The following ROR2 variants were observed in gnomAD, a reference collection of about 807,000 sequenced individuals.
ROR2 encodes tyrosine-protein kinase transmembrane receptor ROR2.
A neutral mutation model predicts 74.9 loss-of-function variants in ROR2; 33 were observed. The ratio of observed to expected loss-of-function variants is 0.44; its 90% CI spans 0.33 to 0.59. The LOEUF (loss-of-function observed/expected upper bound fraction) is 0.59. ROR2 is among the 20% of genes least tolerant of loss of function. ROR2 has a pLI of 0.02. For missense variants in ROR2, 1,216 were observed against 1,313.8 expected (o/e 0.93, Z 1.15); for synonymous variants, 586 against 558.7 (o/e 1.05, Z -0.69).
At position 91,880,490 on chromosome 9, in the gene ROR2, A is replaced by G. The variant is rs370857308; in HGVS notation, c.97+69377T>C. On this transcript the variant is annotated intron_variant, in intron 1 of 8. Coordinates refer to ENST00000375708, the MANE Select transcript of ROR2 (RefSeq NM_004560.4). ...GTAGTGCTGTGAGCACACTAATACAAGTAAATCCATGAATATAGTGAGAGC... is the reference window on the plus strand; with the variant it reads ...GTAGTGCTGTGAGCACACTAATACAGGTAAATCCATGAATATAGTGAGAGC... Among the ~76,000 whole-genome samples the G allele has an allele frequency of 4.6e-5, 7 of 152,340 alleles. No individual in the cohort carries two copies. In the East Asian group the frequency reaches 9.6e-4, roughly 21 times the overall value.
chr9:91,747,853 A>C (rs930833517), intron 4 of ROR2, among the ~76,000 whole-genome samples: 1 of 152,188 alleles, frequency 6.6e-6, no homozygotes, highest in Non-Finnish European at 1.5e-5. Context: ...TACACACTAC[A>C]AAGTCAAAGG....
intron 1 of ROR2, among the ~76,000 whole-genome samples, chr9:91,922,291 G>A (rs1462217341): frequency 6.6e-6 from 1 of 151,872 alleles, no homozygotes; most frequent in Non-Finnish European, 1.5e-5. Flanking sequence ...AAATTCTACT[G>A]CTAGGTATGT....
At chr9:91,725,875 G>A (rs778708176) in intron 8 of ROR2, among the ~76,000 whole-genome samples, 9 of 152,226 alleles carry the variant, frequency 5.9e-5, no homozygotes, top group Non-Finnish European at 8.8e-5. Flanking sequence ...AACTCTCACC[G>A]ACTCTGGGAC....
intron 1 of ROR2, among the ~76,000 whole-genome samples, chr9:91,924,665 C>A (rs1485480501): frequency 6.6e-6 from 1 of 152,008 alleles, no homozygotes; most frequent in African/African-American, 2.4e-5. Context: ...TGGTAGCGGG[C>A]GCCTGTAGTC....
At chr9:91,946,121 A>G (rs7048699) in intron 1 of ROR2, among the ~76,000 whole-genome samples, 79,360 of 152,024 alleles carry the variant, frequency 0.52, 23,302 homozygotes, top group African/African-American at 0.8. Flanking sequence ...AGTCCCTTCA[A>G]CCCAACAGTC....
intron 1 of ROR2, among the ~76,000 whole-genome samples, chr9:91,899,446 C>CG (rs1830617065): frequency 2.0e-5 from 3 of 152,160 alleles, no homozygotes; most frequent in Non-Finnish European, 4.4e-5. Flanking sequence ...CTGTGTCCCT[C>CG]CTGTGTGCTG....
At chr9:91,803,870 T>C (rs932228376) in intron 1 of ROR2, among the ~76,000 whole-genome samples, 3 of 152,250 alleles carry the variant, frequency 2.0e-5, no homozygotes, top group Non-Finnish European at 4.4e-5. Flanking sequence ...TCCTGCTTCA[T>C]GGTAGACCTT....
chr9:91,770,434 G>T (rs953738753), intron 2 of ROR2, among the ~76,000 whole-genome samples: 1 of 152,166 alleles, frequency 6.6e-6, no homozygotes, highest in Non-Finnish European at 1.5e-5. Flanking sequence ...CTCACATTCT[G>T]GTCTGGGCAC....
At chr9:91,726,442 A>T in intron 8 of ROR2, 99 bp downstream of exon 8, 1 of 1,115,460 alleles carries the variant, frequency 9.0e-7, no homozygotes, top group South Asian at 1.2e-5. Context: ...ATTATGTGCT[A>T]TGTATCAAGT....
intron 1 of ROR2, among the ~76,000 whole-genome samples, chr9:91,908,141 G>A (rs1198679894): frequency 6.6e-6 from 1 of 152,228 alleles, no homozygotes; most frequent in African/African-American, 2.4e-5. Context: ...TTATCAATGG[G>A]GGGAGGGAGG....
intron 7 of ROR2, among the ~76,000 whole-genome samples, chr9:91,728,711 G>A (rs113284213): frequency 0.026 from 3,999 of 152,312 alleles, 87 homozygotes; most frequent in Non-Finnish European, 0.041. Flanking sequence ...GATTACAGGC[G>A]TGAGCCACCA....
chr9:91,851,081 G>A (rs913777890), intron 1 of ROR2, among the ~76,000 whole-genome samples: 4 of 152,180 alleles, frequency 2.6e-5, no homozygotes, highest in South Asian at 2.1e-4. Context: ...GGCCGGGCGC[G>A]GTGGCTCATG....
chr9:91,911,993 C>G (rs985883468), intron 1 of ROR2, among the ~76,000 whole-genome samples: 1 of 143,860 alleles, frequency 7.0e-6, no homozygotes, highest in South Asian at 2.2e-4. Context: ...CAAAATTTAT[C>G]GGAGGTACTC....
Position 91,730,844 on chromosome 9 carries a change from G to A in ROR2, c.1183+66C>T. 3 of 1,606,856 alleles carry A rather than the reference G, an allele frequency of 1.9e-6. No homozygotes were observed. The South Asian group carries it at 3.3e-5, about 18-fold the overall frequency. ...GCACACCCCAACCCAGGTCAGGACAGAACGCCCTCATCACAAGGTTCACTC... is the reference window on the plus strand; with the variant it reads ...GCACACCCCAACCCAGGTCAGGACAAAACGCCCTCATCACAAGGTTCACTC... On this transcript the variant is annotated intron_variant, in intron 7 of 8. Coordinates refer to ENST00000375708, the MANE Select transcript of ROR2 (RefSeq NM_004560.4).
At chr9:91,754,696 AAGAG>A (rs1376970468) in intron 4 of ROR2, among the ~76,000 whole-genome samples, 2 of 152,158 alleles carry the variant, frequency 1.3e-5, no homozygotes, top group Non-Finnish European at 2.9e-5. Context: ...AATATAAAAT[AAGAG>A]AGAACAATAG....
intron 1 of ROR2, among the ~76,000 whole-genome samples, chr9:91,776,559 G>C (rs1313476237): frequency 1.3e-5 from 2 of 152,178 alleles, no homozygotes; most frequent in Non-Finnish European, 2.9e-5. Flanking sequence ...CTCAACAATA[G>C]GTAAACCACA....
chr9:91,860,172 A>T (rs550372651), intron 1 of ROR2, among the ~76,000 whole-genome samples: 2 of 152,192 alleles, frequency 1.3e-5, no homozygotes, highest in Non-Finnish European at 2.9e-5. Context: ...GACCTTCGCC[A>T]TCTGGGAGAG....
intron 1 of ROR2, among the ~76,000 whole-genome samples, chr9:91,792,598 C>CCGG (rs1404976890): frequency 3.5e-4 from 53 of 152,100 alleles, no homozygotes; most frequent in Non-Finnish European, 6.5e-4. Flanking sequence ...ATGAGCCATG[C>CCGG]GCCCAGCCAA....
intron 1 of ROR2, among the ~76,000 whole-genome samples, chr9:91,875,355 T>TGG (rs1829926676): frequency 6.6e-6 from 1 of 152,194 alleles, no homozygotes; most frequent in African/African-American, 2.4e-5. Flanking sequence ...AACAAAGTTG[T>TGG]GGAAATGTAG....
Sources: gnomAD v4.1 joint callset for allele counts (sites outside exome capture counted in the v4.1 genomes callset) on GRCh38, gnomAD v4.1.1 for gene constraint, MANE v1.5 for transcripts, NCBI Gene and HGNC (gene_info 2026-07-23, HGNC 2026-07-21) for gene names.